MLLT3: variants seen among roughly 807,000 people sequenced by gnomAD.
MLLT3 encodes the protein MLLT3 super elongation complex subunit, also known as protein AF-9.
A neutral mutation model predicts 53.2 loss-of-function variants in MLLT3; 4 were observed. That is an observed-to-expected ratio of 0.08 (90% confidence interval 0.04 to 0.17). The LOEUF (loss-of-function observed/expected upper bound fraction) is 0.17. MLLT3 is among the 10% of genes least tolerant of loss of function. The pLI is 1.00. For synonymous variants in MLLT3, 283 were observed against 230.6 expected, an observed-to-expected ratio of 1.23 and a Z score of -2.06; for missense variants, 569 against 684.0, an observed-to-expected ratio of 0.83 and a Z score of 1.87.
At chr9:20,415,130 AAAGT>A (rs1189962742) in intron 4 of MLLT3, among the ~76,000 whole-genome samples, 2 of 152,214 alleles carry the variant, frequency 1.3e-5, no homozygotes, top group African/African-American at 2.4e-5. Flanking sequence ...CAAAAGAAAT[AAAGT>A]AATTCTCAAT....
intron 5 of MLLT3, among the ~76,000 whole-genome samples, chr9:20,400,013 C>T (rs1822415126): frequency 6.6e-6 from 1 of 151,472 alleles, no homozygotes; most frequent in Admixed American, 6.6e-5. Context: ...AATGCTTATA[C>T]AGCAATGAGC....
chr9:20,512,007 A>T (rs1259163825), intron 2 of MLLT3, among the ~76,000 whole-genome samples: 1 of 152,212 alleles, frequency 6.6e-6, no homozygotes, highest in Non-Finnish European at 1.5e-5. Context: ...AGCCTAGTTG[A>T]CCTTGCTGGA....
At chr9:20,604,726 C>CAAGG (rs1388392653) in intron 2 of MLLT3, among the ~76,000 whole-genome samples, 1 of 152,088 alleles carries the variant, frequency 6.6e-6, no homozygotes, top group Non-Finnish European at 1.5e-5. Flanking sequence ...AGCAAAAGCT[C>CAAGG]AAGGAAGTGA....
At position 20,448,203 on chromosome 9, in the gene MLLT3, C is replaced by T; in HGVS notation, c.340G>A (p.Val114Met). 6.2e-7 allele frequency: 1 copy of T among 1,613,666 alleles called. No individual in the cohort carries two copies. The highest frequency in any genetic ancestry group is 8.5e-7 in the Non-Finnish European group (1 of 1,179,764). Residue 114 changes from valine (V) to methionine (M), a missense_variant, in exon 4 of 11, where the codon GTG becomes ATG. This residue lies in a region of MLLT3 where 35 missense variants were observed against 136.8 expected (regional missense o/e 0.26). Coordinates refer to ENST00000380338, the MANE Select transcript of MLLT3 (RefSeq NM_004529.4). The surrounding 1 kb of genome is among the most constrained non-coding windows in gnomAD (Gnocchi z 4.0). ...LFLHLEGHPP[V>M]NHLRCEKLTF... ...AGCTTTTCACAGCGGAGGTGATTCACTGGTGGATGGCCTTCAAGATGCAGG... is the reference window on the plus strand; with the variant it reads ...AGCTTTTCACAGCGGAGGTGATTCATTGGTGGATGGCCTTCAAGATGCAGG...
intron 5 of MLLT3, among the ~76,000 whole-genome samples, chr9:20,388,912 T>C (rs1449975386): frequency 6.6e-6 from 1 of 152,188 alleles, no homozygotes; most frequent in Non-Finnish European, 1.5e-5. Flanking sequence ...ATCAGAATTC[T>C]TTCAGCCTTC....
At chr9:20,445,833 C>T (rs552183138) in intron 4 of MLLT3, among the ~76,000 whole-genome samples, 2 of 152,024 alleles carry the variant, frequency 1.3e-5, no homozygotes, top group African/African-American at 4.8e-5. Flanking sequence ...ATCCTCTCTC[C>T]CACCACAAAA....
chr9:20,483,837 A>G lies in MLLT3; in HGVS notation c.194-27051T>C, dbSNP rs533041738. Reference sequence around the variant, plus strand: ...ATTCTCCTGACTCAGCCTCCCGAGTAGCTGGGACTACAAGCACCCAGCACC... The same window carrying G: ...ATTCTCCTGACTCAGCCTCCCGAGTGGCTGGGACTACAAGCACCCAGCACC... On this transcript the variant is annotated intron_variant, in intron 2 of 10. Transcript: ENST00000380338. Among the ~76,000 whole-genome samples the G allele has an allele frequency of 4.0e-5, 6 of 151,136 alleles. No individual in the cohort carries two copies. In the East Asian group the frequency reaches 7.8e-4, roughly 20 times the overall value.
intron 5 of MLLT3, among the ~76,000 whole-genome samples, chr9:20,388,825 G>A (rs1822110322): frequency 6.6e-6 from 1 of 152,058 alleles, no homozygotes; most frequent in South Asian, 2.1e-4. Context: ...TTTTTTGTGT[G>A]TGGTGAAAAT....
At chr9:20,596,076 T>A (rs1168715288) in intron 2 of MLLT3, among the ~76,000 whole-genome samples, 2 of 152,184 alleles carry the variant, frequency 1.3e-5, no homozygotes, top group Non-Finnish European at 2.9e-5. Flanking sequence ...ATATAAAAAG[T>A]CACAAGCTTA....
At chr9:20,594,324 T>A (rs185999042) in intron 2 of MLLT3, among the ~76,000 whole-genome samples, 1 of 152,162 alleles carries the variant, frequency 6.6e-6, no homozygotes, top group Non-Finnish European at 1.5e-5. Context: ...CTCCTCGACA[T>A]ACTAATGCTT....
At chr9:20,491,656 A>T (rs1310035896) in intron 2 of MLLT3, among the ~76,000 whole-genome samples, 1 of 152,164 alleles carries the variant, frequency 6.6e-6, no homozygotes, top group Non-Finnish European at 1.5e-5. Flanking sequence ...AACTCAAGTG[A>T]GAAATCAACA....
intron 2 of MLLT3, among the ~76,000 whole-genome samples, chr9:20,543,774 AG>A (rs1209215272): frequency 1.3e-5 from 2 of 151,994 alleles, no homozygotes; most frequent in African/African-American, 4.8e-5. Context: ...GAGGAGGAGG[AG>A]GAAAAAAACT....
intron 2 of MLLT3, among the ~76,000 whole-genome samples, chr9:20,470,215 C>T (rs1163207614): frequency 6.6e-6 from 1 of 151,938 alleles, no homozygotes; most frequent in East Asian, 1.9e-4. Flanking sequence ...ACAAACTTGG[C>T]TCTAGGAAAA....
At chr9:20,615,077 C>G (rs1820792073) in intron 2 of MLLT3, among the ~76,000 whole-genome samples, 1 of 152,082 alleles carries the variant, frequency 6.6e-6, no homozygotes, top group Non-Finnish European at 1.5e-5. Flanking sequence ...GGCACAATGG[C>G]TCATGCCTGT....
chr9:20,489,135 T>C (rs912926759), intron 2 of MLLT3, among the ~76,000 whole-genome samples: 1 of 152,096 alleles, frequency 6.6e-6, no homozygotes, highest in Non-Finnish European at 1.5e-5. Context: ...ACAAATTCCT[T>C]GTTTCTCCTG....
intron 2 of MLLT3, among the ~76,000 whole-genome samples, chr9:20,498,729 A>T (rs1355427531): frequency 6.6e-6 from 1 of 152,188 alleles, no homozygotes; most frequent in African/African-American, 2.4e-5. Flanking sequence ...AAAGAAGCCA[A>T]AAGATTGGAC....
At chr9:20,362,432 T>G (rs569616850) in intron 7 of MLLT3, among the ~76,000 whole-genome samples, 2 of 152,306 alleles carry the variant, frequency 1.3e-5, no homozygotes, top group Admixed American at 6.5e-5. Flanking sequence ...TTTTGAGGTC[T>G]TTTTTCCCTA....
intron 3 of MLLT3, among the ~76,000 whole-genome samples, 169 bp downstream of exon 3, chr9:20,456,535 C>A (rs941579732): frequency 5.9e-5 from 9 of 152,204 alleles, no homozygotes; most frequent in African/African-American, 1.7e-4. Flanking sequence ...CTTCTAGCCA[C>A]TTCCTTGATA....
At chr9:20,348,560 G>A (rs575035313) in intron 10 of MLLT3, among the ~76,000 whole-genome samples, 65 of 152,236 alleles carry the variant, frequency 4.3e-4, no homozygotes, top group African/African-American at 1.3e-3. Context: ...CCACTATCTC[G>A]ACCACGGATT....
Sources: gnomAD v4.1 joint callset for allele counts (sites outside exome capture counted in the v4.1 genomes callset) on GRCh38, gnomAD v4.1.1 for gene constraint, gnomAD v4.1.1 regional missense constraint, Gnocchi (gnomAD v3.1) non-coding constraint, MANE v1.5 for transcripts, NCBI Gene and HGNC (gene_info 2026-07-23, HGNC 2026-07-21) for gene names.